CLPTM1: variants seen among roughly 807,000 people sequenced by gnomAD.
CLPTM1 encodes the protein CLPTM1 regulator of GABA type A receptor forward trafficking.
CLPTM1 carries 21 observed loss-of-function variants against 77.3 expected under a neutral mutation model. The ratio of observed to expected loss-of-function variants is 0.27; its 90% CI spans 0.19 to 0.39. The LOEUF is 0.39. Among genes scored for constraint, CLPTM1 ranks in the 10% least tolerant of loss-of-function variants. The pLI is 1.00. For missense variants in CLPTM1, 642 were observed against 921.2 expected (o/e 0.70, Z 3.92); for synonymous variants, 373 against 381.0 (o/e 0.98, Z 0.24).
At chr19:44,988,007 C>A (rs1971008814) in intron 8 of CLPTM1, 73 bp from the exon 9 acceptor site, 1 of 1,180,476 alleles carries the variant, frequency 8.5e-7, no homozygotes, top group Non-Finnish European at 1.3e-6. Context: ...GCCCCAGGGG[C>A]AGCCCTCGGG....
chr19:44,983,464 C>T (rs1231402955), intron 5 of CLPTM1, among the ~76,000 whole-genome samples: 1 of 150,014 alleles, frequency 6.7e-6, no homozygotes, highest in Non-Finnish European at 1.5e-5. Context: ...ACTAAAAATA[C>T]AAAATTAGCC....
intron 2 of CLPTM1, among the ~76,000 whole-genome samples, chr19:44,966,794 G>GA (rs958234768): frequency 1.3e-4 from 19 of 142,764 alleles, no homozygotes; most frequent in African/African-American, 2.6e-4. Flanking sequence ...GTTCAACGTG[G>GA]AAAAAAAAAA....
intron 5 of CLPTM1, among the ~76,000 whole-genome samples, chr19:44,981,866 T>C (rs753690574): frequency 1.3e-5 from 2 of 152,032 alleles, no homozygotes; most frequent in African/African-American, 4.8e-5. Context: ...ATCACACCAC[T>C]GCACTCTAGC....
upstream of CLPTM1, chr19:44,955,341 CGA>C (rs1970442554): frequency 3.8e-6 from 5 of 1,318,986 alleles, no homozygotes; most frequent in Non-Finnish European, 4.8e-6. Flanking sequence ...GATTGCGCTG[CGA>C]AGTCGGGGAC....
chr19:44,954,814 G>A, upstream of CLPTM1: 1 of 1,241,636 alleles, frequency 8.1e-7, no homozygotes, highest in Non-Finnish European at 1.1e-6. Flanking sequence ...CCTGGAATTG[G>A]AACTCTAAAA....
At chr19:44,978,475 C>CAA (rs1190602487) in intron 5 of CLPTM1, among the ~76,000 whole-genome samples, 2 of 151,232 alleles carry the variant, frequency 1.3e-5, no homozygotes, top group African/African-American at 2.4e-5. Flanking sequence ...TTCGTTGCTA[C>CAA]AAAAATTAAT....
intron 5 of CLPTM1, among the ~76,000 whole-genome samples, chr19:44,977,751 G>A (rs571847525): frequency 7.2e-5 from 11 of 152,276 alleles, no homozygotes; most frequent in Non-Finnish European, 1.3e-4. Flanking sequence ...AGGAGGAGAC[G>A]TCCTTCACCA....
chr19:44,989,791 C>G (rs1426405863), intron 9 of CLPTM1, among the ~76,000 whole-genome samples: 2 of 152,106 alleles, frequency 1.3e-5, no homozygotes, highest in African/African-American at 4.8e-5. Context: ...GACCAGGGCT[C>G]AGAGAGGAGC....
At chr19:44,959,622 G>A (rs2122233906) in intron 1 of CLPTM1, among the ~76,000 whole-genome samples, 1 of 152,308 alleles carries the variant, frequency 6.6e-6, no homozygotes, top group South Asian at 2.1e-4. Flanking sequence ...CTGAAGTTCT[G>A]GGATTATAGG....
At chr19:44,977,593 T>C (rs1486243650) in intron 5 of CLPTM1, 133 bp downstream of exon 5, 2 of 735,264 alleles carry the variant, frequency 2.7e-6, no homozygotes, top group Admixed American at 4.5e-5. Flanking sequence ...AGGGTGGGAT[T>C]GGCAGGGCAG....
intron 1 of CLPTM1, among the ~76,000 whole-genome samples, chr19:44,957,964 C>T (rs1970488492): frequency 6.6e-6 from 1 of 151,958 alleles, no homozygotes; most frequent in Non-Finnish European, 1.5e-5. Context: ...AGGGGAAGCA[C>T]AGACAGGGAC....
intron 2 of CLPTM1, among the ~76,000 whole-genome samples, chr19:44,968,772 A>T (rs527298146): frequency 1.3e-5 from 2 of 152,318 alleles, no homozygotes; most frequent in South Asian, 4.1e-4. Context: ...GCCTGGGGGC[A>T]TCACTGCTTC....
intron 5 of CLPTM1, among the ~76,000 whole-genome samples, chr19:44,979,454 A>G (rs1405701061): frequency 1.3e-5 from 2 of 152,168 alleles, no homozygotes; most frequent in Non-Finnish European, 2.9e-5. Flanking sequence ...ATTGAGGACT[A>G]TTCCAGACAT....
intron 6 of CLPTM1, 79 bp from the exon 7 acceptor site, chr19:44,986,376 G>A: frequency 1.3e-6 from 2 of 1,520,556 alleles, no homozygotes; most frequent in Non-Finnish European, 1.8e-6. Flanking sequence ...CGGGAACCCT[G>A]GGGAGGAAGT....
rs925911152 is a variant in CLPTM1, at chr19:44,970,593, CTG to C, written c.186-2488_186-2487del. ...CTAATTTTTGTATTTTTTGTAGAAA[CTG>C]TGTGTTGCCCAGGCTGGTCTCAAAC... On this transcript the variant is annotated intron_variant, in intron 2 of 13. Coordinates refer to ENST00000337392, the MANE Select transcript of CLPTM1 (RefSeq NM_001294.4). 5.5e-5 allele frequency among the ~76,000 whole-genome samples: 8 copies of C among 145,540 alleles called. 1 individual carries two copies. Among genetic ancestry groups the C allele is most frequent in the African/African-American group, 1.6e-4 (6 of 36,630 alleles).
chr19:44,956,915 C>T (rs1314489364), intron 1 of CLPTM1, among the ~76,000 whole-genome samples: 3 of 152,210 alleles, frequency 2.0e-5, no homozygotes, highest in African/African-American at 7.2e-5. Flanking sequence ...ATTTCTCGAG[C>T]TCGGCACTAT....
intron 2 of CLPTM1, among the ~76,000 whole-genome samples, chr19:44,964,524 T>A (rs1393885208): frequency 7.3e-6 from 1 of 136,484 alleles, no homozygotes; most frequent in African/African-American, 2.6e-5. Context: ...TTGGCCAGGC[T>A]GGTCTCTAAC....
chr19:44,955,271 T>A, upstream of CLPTM1: 1 of 1,460,646 alleles, frequency 6.8e-7, no homozygotes, highest in Non-Finnish European at 9.0e-7. Flanking sequence ...GAGGCGTGGC[T>A]GCGGCACTCT....
chr19:44,973,056 G>T, intron 2 of CLPTM1, 31 bp from the exon 3 acceptor site: 1 of 1,610,634 alleles, frequency 6.2e-7, no homozygotes, highest in South Asian at 1.1e-5. Flanking sequence ...CAAGGCTTGG[G>T]GACTCACCAC....
Sources: allele counts gnomAD v4.1 joint callset (sites outside exome capture counted in the v4.1 genomes callset), GRCh38; gene constraint gnomAD v4.1.1; transcripts MANE v1.5; gene names NCBI Gene and HGNC (gene_info 2026-07-23, HGNC 2026-07-21).